The following DLGAP1 variants were observed in gnomAD, a reference collection of about 807,000 sequenced individuals.
The protein encoded by DLGAP1 is disks large-associated protein 1.
In DLGAP1, 11 loss-of-function variants were observed where a neutral mutation model predicts 90.8. That is an observed-to-expected ratio of 0.12 (90% CI 0.08 to 0.20). The LOEUF (loss-of-function observed/expected upper bound fraction) is 0.20. Ranked by LOEUF, DLGAP1 falls within the 10% of genes least tolerant of loss-of-function variation. The pLI is 1.00. For synonymous variants in DLGAP1, 558 were observed against 540.7 expected, an observed-to-expected ratio of 1.03 and a Z score of -0.44; for missense variants, 1,050 against 1,333.8, an observed-to-expected ratio of 0.79 and a Z score of 3.31.
intron 3 of DLGAP1, among the ~76,000 whole-genome samples, chr18:3,933,602 CT>C (rs1375348153): frequency 6.6e-6 from 1 of 152,234 alleles, no homozygotes; most frequent in Non-Finnish European, 1.5e-5. Context: ...AACACAGCAG[CT>C]TTCTGGCTGT....
chr18:3,972,966 T>G (rs142153275), intron 3 of DLGAP1, among the ~76,000 whole-genome samples: 2 of 152,342 alleles, frequency 1.3e-5, no homozygotes, highest in Non-Finnish European at 2.9e-5. Flanking sequence ...TTAATTAGGC[T>G]TCAGACTCCA....
intron 3 of DLGAP1, among the ~76,000 whole-genome samples, chr18:3,893,312 C>T (rs2071525888): frequency 6.6e-6 from 1 of 152,038 alleles, no homozygotes; most frequent in Non-Finnish European, 1.5e-5. Context: ...TGTGGTGGCT[C>T]ATGCCTGTAA....
intron 1 of DLGAP1, among the ~76,000 whole-genome samples, chr18:4,388,332 T>G (rs377133391): frequency 2.0e-5 from 3 of 151,876 alleles, no homozygotes. Flanking sequence ...AAAAAATGGT[T>G]TCAGTTTTGC....
intron 1 of DLGAP1, among the ~76,000 whole-genome samples, chr18:4,379,661 G>A (rs933316033): frequency 4.6e-5 from 7 of 152,126 alleles, no homozygotes; most frequent in Non-Finnish European, 1.0e-4. Context: ...TCACTAGACT[G>A]AAACCCTCCT....
intron 3 of DLGAP1, among the ~76,000 whole-genome samples, chr18:3,990,070 T>G (rs2073930846): frequency 6.6e-6 from 1 of 152,192 alleles, no homozygotes; most frequent in African/African-American, 2.4e-5. Context: ...TGGAAGTCGG[T>G]GTGGTGATTC....
At chr18:4,132,567 T>G (rs987903996) in intron 2 of DLGAP1, among the ~76,000 whole-genome samples, 1 of 152,194 alleles carries the variant, frequency 6.6e-6, no homozygotes, top group African/African-American at 2.4e-5. Flanking sequence ...TTGACAACCC[T>G]ATTTCCACCT....
chr18:4,368,786 A>AAGTC, intron 1 of DLGAP1, among the ~76,000 whole-genome samples: 1 of 151,678 alleles, frequency 6.6e-6, no homozygotes, highest in African/African-American at 2.4e-5. Flanking sequence ...TAAATAAAGT[A>AAGTC]TTAATAATGC....
intron 7 of DLGAP1, among the ~76,000 whole-genome samples, chr18:3,718,278 G>A (rs538960142): frequency 1.1e-4 from 16 of 151,974 alleles, no homozygotes; most frequent in African/African-American, 3.9e-4. Flanking sequence ...GGCCAAGATG[G>A]TGAAACCCCG....
intron 1 of DLGAP1, among the ~76,000 whole-genome samples, chr18:4,299,625 G>C (rs2080075088): frequency 6.6e-6 from 1 of 152,028 alleles, no homozygotes; most frequent in African/African-American, 2.4e-5. Flanking sequence ...AAATATAAAA[G>C]AGAGTGAAAA....
At position 4,246,603 on chromosome 18, in the gene DLGAP1, G is replaced by A. The variant is rs1027577744; in HGVS notation, c.-266-95316C>T. Among the ~76,000 whole-genome samples, 4 of 152,106 alleles carry A rather than the reference G, an allele frequency of 2.6e-5. No individual in the cohort carries two copies. The South Asian group carries it at 6.2e-4, about 24-fold the overall frequency. ...GTCAAACCCCAGGGTGAAAGGTCAG[G>A]GGTGCTTTCTGTGTCTCCCCACACA... On this transcript the variant is annotated intron_variant, in intron 1 of 12. Transcript: ENST00000315677.
chr18:3,613,467 G>C (rs561659660), intron 7 of DLGAP1, among the ~76,000 whole-genome samples: 1 of 151,896 alleles, frequency 6.6e-6, no homozygotes, highest in Non-Finnish European at 1.5e-5. Flanking sequence ...TGAGTATCTG[G>C]GACCATGGGT....
intron 4 of DLGAP1, among the ~76,000 whole-genome samples, chr18:3,821,148 G>T (rs2067384544): frequency 2.0e-5 from 3 of 152,054 alleles, no homozygotes; most frequent in African/African-American, 2.4e-5. Flanking sequence ...TGTAGCTGGT[G>T]TGGTGGTGGT....
intron 7 of DLGAP1, among the ~76,000 whole-genome samples, chr18:3,650,129 C>T (rs920854780): frequency 5.9e-5 from 9 of 152,156 alleles, no homozygotes; most frequent in African/African-American, 2.2e-4. Flanking sequence ...CCGCAACCTC[C>T]ACCTCCTGGA....
At chr18:3,853,899 T>G (rs1321474645) in intron 4 of DLGAP1, among the ~76,000 whole-genome samples, 1 of 152,186 alleles carries the variant, frequency 6.6e-6, no homozygotes, top group Non-Finnish European at 1.5e-5. Flanking sequence ...GGCCCTTTTT[T>G]CATTTCTGTT....
At chr18:3,732,283 C>A (rs1475994145) in intron 6 of DLGAP1, among the ~76,000 whole-genome samples, 2 of 152,180 alleles carry the variant, frequency 1.3e-5, no homozygotes, top group African/African-American at 4.8e-5. Context: ...GTGTTTATTT[C>A]ATCAGGAGGC....
At chr18:4,201,759 T>G (rs938966023) in intron 1 of DLGAP1, among the ~76,000 whole-genome samples, 3 of 151,982 alleles carry the variant, frequency 2.0e-5, no homozygotes, top group African/African-American at 7.2e-5. Context: ...AAATCCAAAT[T>G]AAAGTCACAA....
chr18:4,143,031 G>A (rs1285569028), intron 2 of DLGAP1, among the ~76,000 whole-genome samples: 1 of 152,160 alleles, frequency 6.6e-6, no homozygotes, highest in Non-Finnish European at 1.5e-5. Flanking sequence ...CTCACCTGTG[G>A]CCGCCACCAC....
At chr18:4,257,229 T>A (rs952188206) in intron 1 of DLGAP1, among the ~76,000 whole-genome samples, 1 of 152,066 alleles carries the variant, frequency 6.6e-6, no homozygotes, top group Non-Finnish European at 1.5e-5. Context: ...GTGAGAGAAA[T>A]ATTGAGTGAA....
chr18:3,980,766 A>G (rs573502086), intron 3 of DLGAP1, among the ~76,000 whole-genome samples: 93 of 152,356 alleles, frequency 6.1e-4, no homozygotes, highest in African/African-American at 2.2e-3. Flanking sequence ...TAAATATTGT[A>G]TATATTTGTG....
Sources: allele counts gnomAD v4.1 joint callset (sites outside exome capture counted in the v4.1 genomes callset), GRCh38; gene constraint gnomAD v4.1.1; transcripts MANE v1.5; gene names NCBI Gene and HGNC (gene_info 2026-07-23, HGNC 2026-07-21).